Variants in ATAD5 observed in about 807,000 individuals in gnomAD.
ATAD5 encodes the protein ATPase family AAA domain-containing protein 5.
A neutral mutation model predicts 176.9 loss-of-function variants in ATAD5; 58 were observed. That is an observed-to-expected ratio of 0.33 (90% CI 0.27 to 0.41). The LOEUF is 0.41. Among genes scored for constraint, ATAD5 ranks in the 10% least tolerant of loss-of-function variants. ATAD5 has a pLI of 1.00. For synonymous variants in ATAD5, 640 were observed against 712.6 expected (o/e 0.90, Z 1.62); for missense variants, 1,789 against 2,094.1 (o/e 0.85, Z 2.84).
Position 30,857,064 on chromosome 17 carries a change from A to C in ATAD5, c.2745A>C (p.Glu915Asp). Residue 915 changes from glutamate (E) to aspartate (D), a missense_variant, in exon 8 of 23, where the codon GAA becomes GAC. By Grantham distance (45) the Glu-to-Asp change is conservative. Transcript: ENST00000321990. Reference protein sequence around the residue: ...DLSKCGIALGEFSTLNSKLKS... With the variant: ...DLSKCGIALGDFSTLNSKLKS... The stretch of plus-strand genomic sequence containing the variant: ...CAAAATGTGGTATTGCTCTTGGTGA[A>C]TTTTCAACATTGAATTCAAAGTTGA... 6.2e-7 allele frequency: 1 copy of C among 1,610,808 alleles called. No homozygotes were observed. Among genetic ancestry groups the C allele is most frequent in the Non-Finnish European group, 8.5e-7 (1 of 1,179,374 alleles).
At chr17:30,879,857 C>T (rs866545388) in intron 18 of ATAD5, among the ~76,000 whole-genome samples, 2 of 151,914 alleles carry the variant, frequency 1.3e-5, no homozygotes, top group East Asian at 2.0e-4. Flanking sequence ...CCACTGCGCC[C>T]GGTCCAATAC....
chr17:30,835,297 G>A lies in ATAD5; in HGVS notation c.1216G>A (p.Ala406Thr), dbSNP rs761858157. 1.9e-6 allele frequency: 3 copies of A among 1,613,960 alleles called. No individual in the cohort carries two copies. The African/African-American group carries it at 4.0e-5, about 22-fold the overall frequency. The stretch of plus-strand genomic sequence containing the variant: ...AGAAGAAAGACAGCAATTTATGAAA[G>A]CATTTAGGCAGCCAGCATCAGATGC... ...TLEERQQFMK[A>T]FRQPASDALK... Residue 406 changes from alanine (A) to threonine (T), a missense_variant, in exon 2 of 23, where the codon GCA (alanine) becomes ACA (threonine). Transcript: ENST00000321990.
chr17:30,867,158 C>G (rs78399163), intron 11 of ATAD5, among the ~76,000 whole-genome samples: 4,010 of 149,826 alleles, frequency 0.027, 199 homozygotes, highest in African/African-American at 0.093. Flanking sequence ...CCAGTGCTTT[C>G]GTAAGCTGAG....
intron 10 of ATAD5, chr17:30,861,838 G>A (rs572783835): frequency 6.6e-6 from 1 of 151,816 alleles, no homozygotes; most frequent in South Asian, 2.1e-4. Flanking sequence ...AAAAAATCTG[G>A]TATTGTGCTC....
chr17:30,834,204 ATATT>A lies in ATAD5; in HGVS notation c.127_130del (p.Leu43HisfsTer3), dbSNP rs1330541902. 1 of 1,593,382 alleles carries A rather than the reference ATATT, an allele frequency of 6.3e-7. No homozygotes were observed. The highest frequency in any genetic ancestry group is 8.5e-7 in the Non-Finnish European group (1 of 1,174,048). Reference sequence around the variant, plus strand: ...CATCTACCTGCAAAACAATTACAAAATATTTATCACCACTAGGGAAGACTAGAGA... The same window carrying A: ...CATCTACCTGCAAAACAATTACAAAATATCACCACTAGGGAAGACTAGAGA... On this transcript the variant is annotated frameshift_variant, in exon 2 of 23. Coordinates refer to ENST00000321990, the MANE Select transcript of ATAD5 (RefSeq NM_024857.5). LOFTEE classifies it high-confidence loss of function.
chr17:30,869,239 A>C lies in ATAD5; in HGVS notation c.3314-9A>C. ...TTGTCATTTTATATGCATTTGAATA[A>C]TTTTTCAGATTTCTCGGGTGGCATA... On this transcript the variant is annotated splice_polypyrimidine_tract_variant and intron_variant, in intron 12 of 22. Transcript: ENST00000321990. The C allele has an allele frequency of 1.3e-6, 2 of 1,590,698 alleles. No homozygotes were observed. Among genetic ancestry groups the C allele is most frequent in the Non-Finnish European group, 1.7e-6 (2 of 1,173,902 alleles).
At chr17:30,871,036 G>T (rs932259241) in intron 14 of ATAD5, among the ~76,000 whole-genome samples, 2 of 151,462 alleles carry the variant, frequency 1.3e-5, no homozygotes, top group Admixed American at 6.6e-5. Flanking sequence ...ATTATTATAG[G>T]TATTTTAGAC....
chr17:30,852,099 TTC>T (rs1343642364), intron 6 of ATAD5, among the ~76,000 whole-genome samples: 1 of 152,228 alleles, frequency 6.6e-6, no homozygotes, highest in African/African-American at 2.4e-5. Context: ...ATTGCAGTCA[TTC>T]TTTCTTTGTT....
intron 6 of ATAD5, among the ~76,000 whole-genome samples, chr17:30,847,575 C>T (rs918945937): frequency 2.0e-5 from 3 of 151,904 alleles, no homozygotes; most frequent in African/African-American, 7.3e-5. Flanking sequence ...CGTGATCCGC[C>T]TGCCTCGGCC....
Position 30,837,139 on chromosome 17 carries a change from TTTAA to T in ATAD5, c.1968-64_1968-61del, listed in dbSNP as rs1430984716. ...CTGCACCAGCTCTATTTTATCTATA[TTTAA>T]TTGAGATTCTTGTGTATGTTATAAT... On this transcript the variant is annotated intron_variant, in intron 2 of 22. Transcript: ENST00000321990. 4.4e-6 allele frequency: 4 copies of T among 899,230 alleles called. No individual in the cohort carries two copies. In the East Asian group the frequency reaches 9.0e-5, roughly 20 times the overall value. 55.7% of individuals were successfully genotyped at this position (899,230 alleles called of 1,614,324 possible). A position where few individuals can be genotyped will look rare whatever the true frequency, so the allele number is the denominator to read the frequency against.
At chr17:30,871,255 C>T (rs1908319271) in intron 14 of ATAD5, among the ~76,000 whole-genome samples, 1 of 150,364 alleles carries the variant, frequency 6.7e-6, no homozygotes, top group South Asian at 2.1e-4. Flanking sequence ...TTCTACTTAC[C>T]ATGTGCCCAG....
chr17:30,853,334 T>C (rs1907083631), intron 6 of ATAD5, among the ~76,000 whole-genome samples: 1 of 151,792 alleles, frequency 6.6e-6, no homozygotes. Context: ...TAATATATGA[T>C]ACATTATATA....
chr17:30,865,786 A>G lies in ATAD5; in HGVS notation c.3219A>G (p.Ile1073Met). ...AACTTATAGGAAATGAGTTAGCTAT[A>G]AAAAAGTTACATAGGTTGGTAAAAT... Reference protein sequence around the residue: ...ASELIGNELAIKKLHSWLKDW... With the variant: ...ASELIGNELAMKKLHSWLKDW... Residue 1073 changes from isoleucine (I) to methionine (M), a missense_variant, in exon 11 of 23, where the codon ATA (isoleucine) becomes ATG (methionine). Physicochemically the swap from Ile to Met is conservative, Grantham distance 10. Around this residue, in one of 6 missense-constraint regions of ATAD5, gnomAD observed 487 missense variants for 573.6 expected, o/e 0.85. Transcript: ENST00000321990. The G allele has an allele frequency of 1.3e-6, 2 of 1,579,360 alleles. No homozygotes were observed. Among genetic ancestry groups the G allele is most frequent in the South Asian group, 1.2e-5 (1 of 84,714 alleles).
chr17:30,866,261 G>A (rs543513910), intron 11 of ATAD5, among the ~76,000 whole-genome samples: 3 of 125,790 alleles, frequency 2.4e-5, no homozygotes, highest in South Asian at 2.6e-4. Flanking sequence ...GTAATGGCAC[G>A]ATCTTGGCTC....
rs1334957837 is a variant in ATAD5 at position 30,877,553 on chromosome 17, G to A, written c.3918+4G>A. 3 of 1,604,764 alleles carry A rather than the reference G, an allele frequency of 1.9e-6. No homozygotes were observed. On this transcript the variant is annotated splice_donor_region_variant and intron_variant, in intron 16 of 22. Transcript: ENST00000321990. ...ATCTCTTATTCTTTTTGAGGAGGTAGGCTTATAGAAGTATACATTTGTGAG... is the reference window on the plus strand; with the variant it reads ...ATCTCTTATTCTTTTTGAGGAGGTAAGCTTATAGAAGTATACATTTGTGAG...
chr17:30,872,603 T>G (rs1908403106), intron 14 of ATAD5, among the ~76,000 whole-genome samples: 1 of 151,562 alleles, frequency 6.6e-6, no homozygotes, highest in Non-Finnish European at 1.5e-5. Context: ...TTGCCTGGGC[T>G]AGAGTGCAGT....
chr17:30,835,191 T>C lies in ATAD5; in HGVS notation c.1110T>C (p.Asn370=). The C allele has an allele frequency of 2.5e-6, 4 of 1,613,954 alleles. No individual in the cohort carries two copies. The highest frequency in any genetic ancestry group is 3.4e-6 in the Non-Finnish European group (4 of 1,179,940). Residue 370 remains asparagine (N), a synonymous_variant, in exon 2 of 23, where the codon AAT becomes AAC. Coordinates refer to ENST00000321990, the MANE Select transcript of ATAD5 (RefSeq NM_024857.5). ...NEQTVQKRKS[N]VVIQEEELEL... ...AGACAGTTCAGAAAAGAAAATCTAATGTTGTTATACAGGAGGAAGAATTAG... is the reference window on the plus strand; with the variant it reads ...AGACAGTTCAGAAAAGAAAATCTAACGTTGTTATACAGGAGGAAGAATTAG...
intron 11 of ATAD5, among the ~76,000 whole-genome samples, chr17:30,867,236 C>CA (rs571162245): frequency 5.1e-4 from 77 of 151,384 alleles, no homozygotes; most frequent in Non-Finnish European, 8.6e-4. Context: ...CCCATCTCTA[C>CA]AAAAAATAAA....
chr17:30,892,825 A>T, intron 20 of ATAD5, 37 bp downstream of exon 20: 1 of 1,431,320 alleles, frequency 7.0e-7, no homozygotes, highest in Non-Finnish European at 9.5e-7. Context: ...TTGAATTTAT[A>T]TTCCTTTTCA....
Sources: allele counts gnomAD v4.1 joint callset (sites outside exome capture counted in the v4.1 genomes callset), GRCh38; gene constraint gnomAD v4.1.1; regional missense constraint gnomAD v4.1.1; transcripts MANE v1.5; gene names NCBI Gene and HGNC (gene_info 2026-07-23, HGNC 2026-07-21).